TLE4: variants seen among roughly 807,000 people sequenced by gnomAD.
TLE4 encodes TLE family member 4, transcriptional corepressor.
In TLE4, 8 loss-of-function variants were observed where a neutral mutation model predicts 92.8. The ratio of observed to expected loss-of-function variants is 0.09; its 90% CI spans 0.05 to 0.16. The LOEUF is 0.16. Among genes scored for constraint, TLE4 ranks in the 10% least tolerant of loss-of-function variants. The probability of loss-of-function intolerance (pLI) is 1.00; values close to 1 mark genes in which losing one functional copy is unlikely to be tolerated. For missense variants in TLE4, 675 were observed against 997.6 expected, an observed-to-expected ratio of 0.68 and a Z score of 4.36; for synonymous variants, 371 against 374.1, an observed-to-expected ratio of 0.99 and a Z score of 0.10.
chr9:79,617,830 C>G (rs911843758), intron 5 of TLE4, among the ~76,000 whole-genome samples: 10 of 120,796 alleles, frequency 8.3e-5, no homozygotes, highest in Non-Finnish European at 1.7e-4. Context: ...GTGGTTTTTT[C>G]AAGGAAAAAA....
At chr9:79,706,964 TTTTATC>T in intron 11 of TLE4, 65 bp downstream of exon 11, 14 of 1,582,994 alleles carry the variant, frequency 8.8e-6, no homozygotes, top group Non-Finnish European at 1.2e-5. Flanking sequence ...AATTTGATGT[TTTTATC>T]TTTATATTTC....
chr9:79,658,027 C>T (rs948943871), intron 8 of TLE4, among the ~76,000 whole-genome samples: 1 of 152,094 alleles, frequency 6.6e-6, no homozygotes, highest in Non-Finnish European at 1.5e-5. Context: ...CTCCTCTGTG[C>T]CTATGCTTAC....
chr9:79,609,339 C>T (rs2047837117), intron 4 of TLE4, among the ~76,000 whole-genome samples: 1 of 151,984 alleles, frequency 6.6e-6, no homozygotes, highest in African/African-American at 2.4e-5. Context: ...CGTAGAATGC[C>T]TTTTTTGTCT....
intron 4 of TLE4, among the ~76,000 whole-genome samples, chr9:79,606,590 T>C (rs1023444158): frequency 3.9e-5 from 6 of 151,998 alleles, no homozygotes; most frequent in African/African-American, 1.5e-4. Flanking sequence ...TGTGTTCTCA[T>C]TGTTCAGTTC....
At chr9:79,688,796 C>A (rs754754398) in intron 8 of TLE4, among the ~76,000 whole-genome samples, 1 of 151,968 alleles carries the variant, frequency 6.6e-6, no homozygotes, top group African/African-American at 2.4e-5. Context: ...GAAGGAAGGT[C>A]AAAAATTCTG....
chr9:79,708,525 T>C (rs1432421676), intron 12 of TLE4, 68 bp from the exon 13 acceptor site: 1 of 1,404,820 alleles, frequency 7.1e-7, no homozygotes, highest in East Asian at 2.3e-5. Context: ...TTTTGTGACA[T>C]GTTTACAAAT....
chr9:79,722,839 G>A, intron 18 of TLE4, 120 bp from the exon 19 acceptor site: 2 of 1,064,524 alleles, frequency 1.9e-6, no homozygotes, highest in South Asian at 1.6e-5. Context: ...TTTTTGAAGT[G>A]AAAGTTATTT....
intron 8 of TLE4, among the ~76,000 whole-genome samples, chr9:79,687,137 G>A (rs902036919): frequency 5.3e-5 from 8 of 152,276 alleles, no homozygotes; most frequent in Admixed American, 3.3e-4. Flanking sequence ...CTCAGTTTGC[G>A]TTTATGTAGC....
At chr9:79,581,536 C>T (rs1286493520) in intron 4 of TLE4, among the ~76,000 whole-genome samples, 1 of 152,148 alleles carries the variant, frequency 6.6e-6, no homozygotes, top group African/African-American at 2.4e-5. Flanking sequence ...TAGAAGTAAA[C>T]ATTTATTATA....
intron 8 of TLE4, among the ~76,000 whole-genome samples, chr9:79,697,931 C>G (rs550015753): frequency 6.6e-6 from 1 of 152,206 alleles, no homozygotes; most frequent in Non-Finnish European, 1.5e-5. Flanking sequence ...ATATTTTATT[C>G]AAGACATTTC....
chr9:79,670,671 G>T (rs2062154043), intron 8 of TLE4, among the ~76,000 whole-genome samples: 1 of 152,146 alleles, frequency 6.6e-6, no homozygotes, highest in African/African-American at 2.4e-5. Context: ...TGTGCATGTG[G>T]CATGCTATGA....
At chr9:79,628,444 T>C (rs752472954) in intron 6 of TLE4, among the ~76,000 whole-genome samples, 8 of 152,156 alleles carry the variant, frequency 5.3e-5, no homozygotes, top group African/African-American at 7.2e-5. Flanking sequence ...AGTGAAGATA[T>C]TGCTTCAATT....
intron 11 of TLE4, among the ~76,000 whole-genome samples, chr9:79,707,683 C>A (rs2072057460): frequency 6.6e-6 from 1 of 152,156 alleles, no homozygotes; most frequent in Non-Finnish European, 1.5e-5. Flanking sequence ...ATGGCACCTG[C>A]TCTCTGCTTA....
At chr9:79,582,830 C>T (rs960340960) in intron 4 of TLE4, among the ~76,000 whole-genome samples, 10 of 151,960 alleles carry the variant, frequency 6.6e-5, no homozygotes, top group African/African-American at 2.4e-4. Context: ...GTTCAGTGGT[C>T]CTATACTAGC....
chr9:79,648,421 A>G (rs372710170), intron 6 of TLE4, among the ~76,000 whole-genome samples: 1 of 152,190 alleles, frequency 6.6e-6, no homozygotes, highest in African/African-American at 2.4e-5. Context: ...AGGGAGCCCT[A>G]TAAGATGATG....
At chr9:79,718,437 G>A (rs2074994903) in intron 14 of TLE4, among the ~76,000 whole-genome samples, 1 of 152,168 alleles carries the variant, frequency 6.6e-6, no homozygotes, top group African/African-American at 2.4e-5. Context: ...TATAGGTAGT[G>A]TTCTCTTCAT....
At chr9:79,594,976 T>C (rs2043594258) in intron 4 of TLE4, among the ~76,000 whole-genome samples, 1 of 152,232 alleles carries the variant, frequency 6.6e-6, no homozygotes, top group Non-Finnish European at 1.5e-5. Context: ...ATACTATTTA[T>C]AGTTTGTGGT....
At chr9:79,679,296 T>G (rs2063929469) in intron 8 of TLE4, among the ~76,000 whole-genome samples, 2 of 152,238 alleles carry the variant, frequency 1.3e-5, no homozygotes, top group South Asian at 4.1e-4. Context: ...GTTTCCTGAC[T>G]TTAATGATCG....
At chr9:79,668,360 G>A (rs192176812) in intron 8 of TLE4, among the ~76,000 whole-genome samples, 16 of 152,362 alleles carry the variant, frequency 1.1e-4, no homozygotes, top group Admixed American at 9.1e-4. Context: ...CTTGGCAGGA[G>A]TAGTGGTTTT....
Sources: allele counts gnomAD v4.1 joint callset (sites outside exome capture counted in the v4.1 genomes callset), GRCh38; gene constraint gnomAD v4.1.1; transcripts MANE v1.5; gene names NCBI Gene and HGNC (gene_info 2026-07-23, HGNC 2026-07-21).